Variants in SRSF4 observed in about 807,000 individuals in gnomAD.
The protein encoded by SRSF4 is serine/arginine-rich splicing factor 4.
A neutral mutation model predicts 48.8 loss-of-function variants in SRSF4; 12 were observed. The observed-to-expected ratio is 0.25, with a 90% confidence interval of 0.16 to 0.40. The LOEUF is 0.40. SRSF4 is among the 10% of genes least tolerant of loss of function. SRSF4 has a pLI of 1.00. For missense variants in SRSF4, 466 were observed against 667.1 expected (o/e 0.70, Z 3.32); for synonymous variants, 248 against 232.5 (o/e 1.07, Z -0.61).
At chr1:29,149,674 C>A (rs1259042712) in intron 5 of SRSF4, among the ~76,000 whole-genome samples, 2 of 131,682 alleles carry the variant, frequency 1.5e-5, no homozygotes, top group Non-Finnish European at 3.1e-5. Context: ...GAGCGAGACT[C>A]TGTCTTGAGG....
chr1:29,155,299 A>C (rs555297584), intron 3 of SRSF4, among the ~76,000 whole-genome samples: 75 of 152,142 alleles, frequency 4.9e-4, no homozygotes, highest in African/African-American at 1.7e-3. Context: ...GTGTAGTGGC[A>C]CACGCCTGTG....
At chr1:29,176,222 A>G (rs560338103) in intron 1 of SRSF4, among the ~76,000 whole-genome samples, 1 of 152,284 alleles carries the variant, frequency 6.6e-6, no homozygotes, top group South Asian at 2.1e-4. Flanking sequence ...ACTGCACTCC[A>G]GCCTGGGCGA....
chr1:29,181,500 C>G (rs1051833274), intron 1 of SRSF4, 146 bp downstream of exon 1: 1 of 633,008 alleles, frequency 1.6e-6, no homozygotes, highest in African/African-American at 1.9e-5. Flanking sequence ...CCTACCCGCG[C>G]CCCCGAGGCG....
rs539978264 is a variant in SRSF4, at chr1:29,161,917, T to C, written c.108-1400A>G. 2.0e-5 allele frequency among the ~76,000 whole-genome samples: 3 copies of C among 152,370 alleles called. No homozygotes were observed. The East Asian group carries it at 5.8e-4, about 29-fold the overall frequency. On this transcript the variant is annotated intron_variant, in intron 1 of 5. Coordinates refer to ENST00000373795, the MANE Select transcript of SRSF4 (RefSeq NM_005626.5). ...CTCCAGTTTCTTTAGAATGTGATGC[T>C]ATACTCAGTAACATGTTAAATAAGT...
Position 29,148,748 on chromosome 1 carries a change from T to G in SRSF4, c.1147A>C (p.Lys383Gln). 1 of 1,613,664 alleles carries G rather than the reference T, an allele frequency of 6.2e-7. No homozygotes were observed. The highest frequency in any genetic ancestry group is 8.5e-7 in the Non-Finnish European group (1 of 1,179,856). ...CTGCTGCCCGCCTTGCTGTCTCGCT[T>G]GCTGCCTCGCTTTCTGCTCCTCTCA... is the stretch of plus-strand genomic sequence containing the variant. ...KSERSRKRGSKRDSKAGSSKK... is the reference protein window; with the variant it reads ...KSERSRKRGSQRDSKAGSSKK... The change falls in exon 6 of 6, where the codon AAG becomes CAG. Residue 383 changes from lysine (K) to glutamine (Q), a missense_variant. By Grantham distance (53) the Lys-to-Gln change is moderately conservative. Transcript: ENST00000373795.
In SRSF4 at chr1:29,147,825, T is replaced by A. The variant is rs1558384769; in HGVS notation, c.*585A>T. The A allele has an allele frequency of 5.5e-6, 1 of 180,578 alleles. No individual in the cohort carries two copies. The highest frequency in any genetic ancestry group is 2.4e-5 in the African/African-American group (1 of 42,074). The allele number at this position is 180,578 out of a possible 1,614,324, so 11.2% of individuals were successfully genotyped here. A position where few individuals can be genotyped will look rare whatever the true frequency, so the allele number is the denominator to read the frequency against. ...TTTGCAAGACGGGGAAAAATAAAAT[T>A]AAAAAAAATTCTTTTCTTTTCTTTT... On this transcript the variant is annotated 3_prime_UTR_variant, in exon 6 of 6. Transcript: ENST00000373795.
intron 4 of SRSF4, among the ~76,000 whole-genome samples, chr1:29,150,716 G>A (rs956181482): frequency 2.0e-5 from 3 of 152,074 alleles, no homozygotes; most frequent in African/African-American, 4.8e-5. Context: ...CCCCGATGCC[G>A]GCTCCTTTTG....
At chr1:29,174,741 T>A (rs1672810840) in intron 1 of SRSF4, among the ~76,000 whole-genome samples, 1 of 150,134 alleles carries the variant, frequency 6.7e-6, no homozygotes, top group African/African-American at 2.4e-5. Context: ...TGGCCCGATC[T>A]AGGCTCATTG....
chr1:29,159,659 A>C (rs1285434692), intron 2 of SRSF4, 173 bp from the exon 3 acceptor site: 2 of 460,796 alleles, frequency 4.3e-6, no homozygotes, highest in Admixed American at 7.6e-5. Context: ...CAATCAGCTA[A>C]ATATAAACAT....
In SRSF4 at chr1:29,177,035, G is replaced by A. The variant is rs560649454; in HGVS notation, c.107+4611C>T. On this transcript the variant is annotated intron_variant, in intron 1 of 5. Transcript: ENST00000373795. ...AGTTTTACTCATTAACTAAAATATGGAAAAGCTAAGATATAAAGATCTGAC... is the reference window on the plus strand; with the variant it reads ...AGTTTTACTCATTAACTAAAATATGAAAAAGCTAAGATATAAAGATCTGAC... Among the ~76,000 whole-genome samples, 289 of 152,252 alleles carry A rather than the reference G, an allele frequency of 1.9e-3. 1 individual carries two copies. Among genetic ancestry groups the A allele is most frequent in the African/African-American group, 6.6e-3 (276 of 41,562 alleles).
intron 1 of SRSF4, among the ~76,000 whole-genome samples, chr1:29,162,248 A>T (rs569661530): frequency 1.3e-5 from 2 of 152,312 alleles, no homozygotes; most frequent in South Asian, 4.1e-4. Context: ...TGAGCAGCTT[A>T]ATAAGAAGGA....
At chr1:29,171,821 C>T (rs1484932828) in intron 1 of SRSF4, 3 of 152,042 alleles carry the variant, frequency 2.0e-5, no homozygotes, top group Non-Finnish European at 1.5e-5. Flanking sequence ...CTTCGTATGG[C>T]CCTTAAATTC....
intron 1 of SRSF4, 79 bp from the exon 2 acceptor site, chr1:29,160,596 G>A: frequency 6.9e-7 from 1 of 1,457,594 alleles, no homozygotes; most frequent in Non-Finnish European, 9.2e-7. Context: ...AAGCAATGAG[G>A]TTCATGCTTA....
chr1:29,175,711 A>AAAAG (rs1672837189), intron 1 of SRSF4, among the ~76,000 whole-genome samples: 1 of 146,440 alleles, frequency 6.8e-6, no homozygotes, highest in Non-Finnish European at 1.5e-5. Flanking sequence ...AAAAAAAAAA[A>AAAAG]AAAAAAAAAA....
At chr1:29,165,171 T>C (rs1279711793) in intron 1 of SRSF4, among the ~76,000 whole-genome samples, 2 of 152,204 alleles carry the variant, frequency 1.3e-5, no homozygotes, top group African/African-American at 2.4e-5. Flanking sequence ...TGCTGTCATT[T>C]TCCCTGTAAA....
At chr1:29,156,474 A>G (rs34963315) in intron 3 of SRSF4, among the ~76,000 whole-genome samples, 1,986 of 152,278 alleles carry the variant, frequency 0.013, 20 homozygotes, top group Middle Eastern at 0.071. Context: ...CTTTTTATAT[A>G]TAAAATTCAC....
chr1:29,153,322 AT>A (rs1672444040), intron 4 of SRSF4, among the ~76,000 whole-genome samples: 1 of 151,014 alleles, frequency 6.6e-6, no homozygotes, highest in Non-Finnish European at 1.5e-5. Context: ...TTACTTTTGT[AT>A]TTTTAGTAGA....
In SRSF4 at chr1:29,154,777, T is replaced by C; in HGVS notation, c.497A>G (p.Asn166Ser). The C allele has an allele frequency of 3.7e-6, 6 of 1,614,220 alleles. No individual in the cohort carries two copies. Among genetic ancestry groups the C allele is most frequent in the Non-Finnish European group, 5.1e-6 (6 of 1,180,040 alleles). Residue 166 changes from asparagine (N) to serine (S), a missense_variant, in exon 4 of 6, where the codon AAT becomes AGT. Coordinates refer to ENST00000373795, the MANE Select transcript of SRSF4 (RefSeq NM_005626.5). ...TTCAACTAATCTGATTTTTCTCCCA[T>C]TGACTTCAGTTCCATCCAACTTTTC... ...ALEKLDGTEV[N>S]GRKIRLVEDK...
intron 1 of SRSF4, among the ~76,000 whole-genome samples, chr1:29,161,516 A>C (rs1490915899): frequency 3.9e-5 from 6 of 152,242 alleles, no homozygotes; most frequent in African/African-American, 1.4e-4. Flanking sequence ...GCATTTAAAC[A>C]CACTGACACT....
Sources: gnomAD v4.1 joint callset for allele counts (sites outside exome capture counted in the v4.1 genomes callset) on GRCh38, gnomAD v4.1.1 for gene constraint, MANE v1.5 for transcripts, NCBI Gene and HGNC (gene_info 2026-07-23, HGNC 2026-07-21) for gene names.